Variants in KMT2C observed in about 807,000 individuals in gnomAD.
KMT2C encodes the protein lysine methyltransferase 2C.
Under a neutral mutation model 507.9 loss-of-function variants are expected in KMT2C, and 88 were observed. That is an observed-to-expected ratio of 0.17 (90% CI 0.15 to 0.21). The LOEUF is 0.21. KMT2C is among the 10% of genes least tolerant of loss of function. KMT2C has a pLI of 1.00. For missense variants in KMT2C, 4,954 were observed against 5,957.8 expected, an observed-to-expected ratio of 0.83 and a Z score of 5.55; for synonymous variants, 2,049 against 2,080.8, an observed-to-expected ratio of 0.98 and a Z score of 0.42.
chr7:152,266,123 T>C (rs2095854537), intron 7 of KMT2C, among the ~76,000 whole-genome samples: 1 of 152,290 alleles, frequency 6.6e-6, no homozygotes, highest in Non-Finnish European at 1.5e-5. Context: ...GGTTTGATCA[T>C]TCCTATCTAC....
At position 152,420,083 on chromosome 7, in the gene KMT2C, G is replaced by A. The variant is rs561571961; in HGVS notation, c.161+15543C>T. On this transcript the variant is annotated intron_variant, in intron 1 of 58. Coordinates refer to ENST00000262189, the MANE Select transcript of KMT2C (RefSeq NM_170606.3). ...ACTGAGTTACCAGAAATTGAAGGTA[G>A]GGATCTTGCCTTATTTTGGTCTCTC... Among the ~76,000 whole-genome samples, 33 of 152,308 alleles carry A rather than the reference G, an allele frequency of 2.2e-4. No individual in the cohort carries two copies. In the East Asian group the frequency reaches 6.0e-3, roughly 28 times the overall value.
At chr7:152,255,113 A>G (rs1038506594) in intron 9 of KMT2C, among the ~76,000 whole-genome samples, 56 of 86,762 alleles carry the variant, frequency 6.5e-4, no homozygotes, top group African/African-American at 9.6e-4. Flanking sequence ...TCTCACTTAT[A>G]TATATATATA....
chr7:152,169,714 G>A (rs1030395298), intron 40 of KMT2C, among the ~76,000 whole-genome samples: 9 of 151,920 alleles, frequency 5.9e-5, no homozygotes, highest in Non-Finnish European at 1.0e-4. Flanking sequence ...AGAAAAATAC[G>A]TTAATAAAAA....
At chr7:152,395,814 A>C (rs1223848219) in intron 1 of KMT2C, among the ~76,000 whole-genome samples, 2 of 152,188 alleles carry the variant, frequency 1.3e-5, no homozygotes, top group African/African-American at 4.8e-5. Context: ...ATATTAATAT[A>C]TATAACTCAG....
intron 3 of KMT2C, among the ~76,000 whole-genome samples, chr7:152,326,279 G>C (rs188209897): frequency 1.3e-5 from 2 of 152,068 alleles, no homozygotes; most frequent in African/African-American, 4.8e-5. Flanking sequence ...AATTGGGAAA[G>C]AATATCTTTA....
chr7:152,205,273 A>T (rs1473189843), intron 24 of KMT2C, 48 bp from the exon 25 acceptor site: 1 of 1,546,244 alleles, frequency 6.5e-7, no homozygotes, highest in Admixed American at 1.7e-5. Context: ...TTCTCCCTAC[A>T]TTTCCACAGT....
In KMT2C at chr7:152,310,072, G is replaced by A. The variant is rs1187870344; in HGVS notation, c.743C>T (p.Thr248Ile). ...CACACAACGGTGATGAGCCCAACAA[G>A]TGCCTAAAATGGGAAAAATGAAAAG... ...DIQALFDSTG[T>I]CWAHHRCVEW... is the part of the protein sequence containing the mutation. Residue 248 changes from threonine to isoleucine, a missense_variant, in exon 6 of 59, where the codon ACT becomes ATT. This residue lies in a region of KMT2C where 233 missense variants were observed against 263.6 expected (regional missense o/e 0.88). Transcript: ENST00000262189. The A allele has an allele frequency of 1.9e-6, 3 of 1,603,712 alleles. No homozygotes were observed. Among genetic ancestry groups the A allele is most frequent in the Admixed American group, 1.7e-5 (1 of 58,312 alleles).
chr7:152,356,897 G>GAAA (rs374330869), intron 2 of KMT2C, among the ~76,000 whole-genome samples: 2 of 138,338 alleles, frequency 1.4e-5, no homozygotes, highest in African/African-American at 5.4e-5. Flanking sequence ...AACTCAAAAA[G>GAAA]AATAATAATA....
chr7:152,330,109 A>C (rs1461490485), intron 3 of KMT2C, among the ~76,000 whole-genome samples: 1 of 119,624 alleles, frequency 8.4e-6, no homozygotes, highest in Non-Finnish European at 1.6e-5. Flanking sequence ...GCACCACTGC[A>C]CTCCAGCTTG....
At chr7:152,360,403 A>T (rs2097186940) in intron 1 of KMT2C, among the ~76,000 whole-genome samples, 1 of 148,846 alleles carries the variant, frequency 6.7e-6, no homozygotes. Flanking sequence ...GCTTGAACCC[A>T]GTGGGCAGGA....
At position 152,435,771 on chromosome 7, in the gene KMT2C, C is replaced by T; in HGVS notation, c.16G>A (p.Asp6Asn). Residue 6 changes from aspartate (D) to asparagine (N), a missense_variant, in exon 1 of 59, where the codon GAC (aspartate) becomes AAC (asparagine). This residue lies in a region of KMT2C where 51 missense variants were observed against 43.5 expected (regional missense o/e 1.17). Transcript: ENST00000262189. Reference sequence around the variant, plus strand: ...GGCTGCGGCTGCTCCACGCTCTTGTCCTCCTCCGACGACATCCTAGTCACC... The same window carrying T: ...GGCTGCGGCTGCTCCACGCTCTTGTTCTCCTCCGACGACATCCTAGTCACC... MSSEEDKSVEQPQPPP... is the reference protein window; with the variant it reads MSSEENKSVEQPQPPP... 5 of 1,456,572 alleles carry T rather than the reference C, an allele frequency of 3.4e-6. No homozygotes were observed. Among genetic ancestry groups the T allele is most frequent in the African/African-American group, 1.5e-5 (1 of 67,696 alleles). The allele number at this position is 1,456,572 out of a possible 1,614,324, so 90.2% of individuals were successfully genotyped here. A position where few individuals can be genotyped will look rare whatever the true frequency, so the allele number is the denominator to read the frequency against.
intron 16 of KMT2C, among the ~76,000 whole-genome samples, chr7:152,235,207 G>GTATGTGTATATATATATATA (rs950086494): frequency 2.8e-5 from 4 of 142,424 alleles, no homozygotes; most frequent in African/African-American, 1.1e-4. Context: ...TTTCAAGGGT[G>GTATGTGTATATATATATATA]TATATATATA....
chr7:152,263,225 A>C, intron 8 of KMT2C, 95 bp from the exon 9 acceptor site: 1 of 1,037,588 alleles, frequency 9.6e-7, no homozygotes, highest in Non-Finnish European at 1.4e-6. Flanking sequence ...GGAACTGCAC[A>C]GTTCATAAAT....
chr7:152,205,140 G>A lies in KMT2C; in HGVS notation c.3927C>T (p.Gly1309=). ...TGCAAGGTAACTGCTCGGAAATAGA[G>A]CCTGAGGAATCTTTTCTGATCACAG... ...KRSVIRKDSS[G]SISEQLPCRD... Residue 1309 remains glycine (G), a synonymous_variant, in exon 25 of 59, where the codon GGC becomes GGT. Transcript: ENST00000262189. 1 of 1,612,494 alleles carries A rather than the reference G, an allele frequency of 6.2e-7. No homozygotes were observed. Among genetic ancestry groups the A allele is most frequent in the Non-Finnish European group, 8.5e-7 (1 of 1,179,064 alleles).
At chr7:152,386,804 A>T (rs1274745601) in intron 1 of KMT2C, among the ~76,000 whole-genome samples, 4 of 152,262 alleles carry the variant, frequency 2.6e-5, no homozygotes, top group African/African-American at 9.6e-5. Flanking sequence ...CAGTTGAGGA[A>T]ACTGAAGTAT....
rs776687917 is a variant in KMT2C, at chr7:152,177,077, AACAGAT to A, written c.8370_8375del (p.Ser2791_Val2792del). On this transcript the variant is annotated inframe_deletion, in exon 38 of 59. Coordinates refer to ENST00000262189, the MANE Select transcript of KMT2C (RefSeq NM_170606.3). ...TTTCTTGTTCCTTTTTTTTTGGTTCAACAGATACACACTGATTATCTAACTTATCAT... is the reference window on the plus strand; with the variant it reads ...TTTCTTGTTCCTTTTTTTTTGGTTCAACACACTGATTATCTAACTTATCAT... 6.2e-7 allele frequency: 1 copy of A among 1,612,184 alleles called. No homozygotes were observed. The highest frequency in any genetic ancestry group is 2.2e-5 in the East Asian group (1 of 44,864).
chr7:152,343,906 G>C (rs892742618), intron 2 of KMT2C, among the ~76,000 whole-genome samples: 1 of 152,134 alleles, frequency 6.6e-6, no homozygotes, highest in Non-Finnish European at 1.5e-5. Flanking sequence ...AAGTCCTTCA[G>C]AGAGAACAAG....
intron 1 of KMT2C, among the ~76,000 whole-genome samples, chr7:152,411,851 T>C (rs2097688095): frequency 6.6e-6 from 1 of 152,310 alleles, no homozygotes; most frequent in Non-Finnish European, 1.5e-5. Context: ...GTTAAAATCT[T>C]GGGTTAACTC....
chr7:152,326,654 G>A (rs2096831085), intron 3 of KMT2C, among the ~76,000 whole-genome samples: 1 of 152,176 alleles, frequency 6.6e-6, no homozygotes, highest in African/African-American at 2.4e-5. Flanking sequence ...GCCGAGATGT[G>A]CAGATCACGA....
Sources: allele counts gnomAD v4.1 joint callset (sites outside exome capture counted in the v4.1 genomes callset), GRCh38; gene constraint gnomAD v4.1.1; regional missense constraint gnomAD v4.1.1; transcripts MANE v1.5; gene names NCBI Gene and HGNC (gene_info 2026-07-23, HGNC 2026-07-21).